Variants in CSMD3 observed in about 807,000 individuals in gnomAD.
CSMD3 encodes the protein CUB and Sushi multiple domains 3, also known as CUB and sushi domain-containing protein 3.
In CSMD3, 177 loss-of-function variants were observed where a neutral mutation model predicts 435.2. The observed-to-expected ratio is 0.41, with a 90% CI of 0.36 to 0.46. The LOEUF (loss-of-function observed/expected upper bound fraction) is 0.46, where lower values mean the gene tolerates loss of function less well. Ranked by LOEUF, CSMD3 falls within the 20% of genes least tolerant of loss-of-function variation. The pLI is 0.34. For missense variants in CSMD3, 4,265 were observed against 4,504.6 expected (o/e 0.95, Z 1.52); for synonymous variants, 1,656 against 1,520.5 (o/e 1.09, Z -2.07).
chr8:112,371,622 G>A (rs1828398528), intron 38 of CSMD3, among the ~76,000 whole-genome samples: 1 of 152,086 alleles, frequency 6.6e-6, no homozygotes, highest in Non-Finnish European at 1.5e-5. Context: ...GGGCACAGTG[G>A]GTCACACGTG....
chr8:113,164,499 A>G (rs547338306), intron 4 of CSMD3, among the ~76,000 whole-genome samples: 1 of 151,810 alleles, frequency 6.6e-6, no homozygotes, highest in Admixed American at 6.6e-5. Flanking sequence ...TTTTACATAC[A>G]TAAAAATTAT....
At chr8:113,161,688 C>T (rs1354043147) in intron 4 of CSMD3, among the ~76,000 whole-genome samples, 1 of 152,020 alleles carries the variant, frequency 6.6e-6, no homozygotes, top group Non-Finnish European at 1.5e-5. Flanking sequence ...TTTACTGTCT[C>T]TAAAAAAATC....
chr8:113,171,207 G>T (rs1056196669), intron 4 of CSMD3, among the ~76,000 whole-genome samples: 1 of 151,898 alleles, frequency 6.6e-6, no homozygotes, highest in African/African-American at 2.4e-5. Flanking sequence ...TTTTATGAAT[G>T]CTATTACATT....
intron 11 of CSMD3, among the ~76,000 whole-genome samples, chr8:112,833,665 G>T (rs2079941261): frequency 6.6e-6 from 1 of 151,466 alleles, no homozygotes; most frequent in South Asian, 2.1e-4. Context: ...ATTTAAGAGG[G>T]AATGCTTCCA....
At position 112,582,042 on chromosome 8, in the gene CSMD3, C is replaced by T. The variant is rs117023456; in HGVS notation, c.3885+5024G>A. ...TGTTTGTGCCTTCCAAATCTCATGTCGGAATGTGATTCCACTGTTGGAATT... is the reference window on the plus strand; with the variant it reads ...TGTTTGTGCCTTCCAAATCTCATGTTGGAATGTGATTCCACTGTTGGAATT... On this transcript the variant is annotated intron_variant, in intron 23 of 70. Coordinates refer to ENST00000297405, the MANE Select transcript of CSMD3 (RefSeq NM_198123.2). Among the ~76,000 whole-genome samples, 11 of 152,122 alleles carry T rather than the reference C, an allele frequency of 7.2e-5. No homozygotes were observed. The East Asian group carries it at 1.9e-3, about 27-fold the overall frequency.
intron 37 of CSMD3, among the ~76,000 whole-genome samples, chr8:112,381,374 T>C (rs1829448324): frequency 6.6e-6 from 1 of 152,206 alleles, no homozygotes; most frequent in South Asian, 2.1e-4. Flanking sequence ...AGTATCTGCT[T>C]GAATCAATTA....
chr8:112,798,531 T>C (rs777468957), intron 13 of CSMD3, among the ~76,000 whole-genome samples: 6 of 151,786 alleles, frequency 4.0e-5, no homozygotes, highest in Non-Finnish European at 7.4e-5. Context: ...TGGTTTCAAA[T>C]ATATCATCTC....
chr8:112,620,050 G>C (rs1833949962), intron 22 of CSMD3, among the ~76,000 whole-genome samples: 1 of 151,966 alleles, frequency 6.6e-6, no homozygotes. Context: ...GGTTGGGAGT[G>C]GGGGTATAGT....
chr8:112,332,968 T>C (rs191298101), intron 45 of CSMD3, among the ~76,000 whole-genome samples: 31 of 152,298 alleles, frequency 2.0e-4, no homozygotes, highest in Admixed American at 1.3e-3. Flanking sequence ...TTTTGACCAA[T>C]GATTTTATAT....
At chr8:112,597,981 C>T (rs1188774154) in intron 22 of CSMD3, among the ~76,000 whole-genome samples, 1 of 146,092 alleles carries the variant, frequency 6.8e-6, no homozygotes, top group Non-Finnish European at 1.5e-5. Flanking sequence ...CCTCTCTCAC[C>T]ACTCCTATTC....
intron 32 of CSMD3, among the ~76,000 whole-genome samples, chr8:112,428,574 C>A (rs973760180): frequency 2.0e-4 from 31 of 152,214 alleles, no homozygotes; most frequent in Admixed American, 1.4e-3. Context: ...ACAGCTCCTG[C>A]CTTCAAAAAT....
At chr8:112,885,356 A>G (rs548721450) in intron 10 of CSMD3, among the ~76,000 whole-genome samples, 3 of 103,210 alleles carry the variant, frequency 2.9e-5, no homozygotes, top group Non-Finnish European at 5.6e-5. Context: ...TATGTACACA[A>G]ATAGCCAGTA....
chr8:112,740,744 G>A (rs2077287658), intron 13 of CSMD3, among the ~76,000 whole-genome samples: 1 of 151,792 alleles, frequency 6.6e-6, no homozygotes, highest in South Asian at 2.1e-4. Flanking sequence ...CGTAACAGGA[G>A]GTCTAGACTG....
intron 3 of CSMD3, among the ~76,000 whole-genome samples, chr8:113,240,479 A>T (rs1267749891): frequency 6.6e-6 from 1 of 152,176 alleles, no homozygotes; most frequent in Non-Finnish European, 1.5e-5. Flanking sequence ...TACCGAAAGT[A>T]TGTAAGTATT....
At chr8:113,263,271 T>C (rs1044160556) in intron 3 of CSMD3, among the ~76,000 whole-genome samples, 2 of 151,998 alleles carry the variant, frequency 1.3e-5, no homozygotes, top group Non-Finnish European at 2.9e-5. Flanking sequence ...CAAATGAATA[T>C]AAAGAAAACA....
At chr8:112,283,077 C>G (rs1456738494) in intron 58 of CSMD3, among the ~76,000 whole-genome samples, 1 of 152,010 alleles carries the variant, frequency 6.6e-6, no homozygotes, top group Non-Finnish European at 1.5e-5. Context: ...ACCACCATTT[C>G]TTAATAGGAA....
chr8:113,246,409 C>A (rs1006481264), intron 3 of CSMD3, among the ~76,000 whole-genome samples: 1 of 151,898 alleles, frequency 6.6e-6, no homozygotes, highest in Admixed American at 6.6e-5. Flanking sequence ...TCTAGAATTT[C>A]TATGTGGTTC....
chr8:112,271,055 A>G lies in CSMD3; in HGVS notation c.9509-5465T>C, dbSNP rs893915915. On this transcript the variant is annotated intron_variant, in intron 59 of 70. Transcript: ENST00000297405. ...GCTGATTTTCTTTCTTTGAACTGAC[A>G]TTGTCATAAATCTACTAGATCCTCT... Among the ~76,000 whole-genome samples, 8 of 152,210 alleles carry G rather than the reference A, an allele frequency of 5.3e-5. No homozygotes were observed. In the East Asian group the frequency reaches 1.5e-3, roughly 29 times the overall value.
chr8:112,798,541 C>T (rs917145797), intron 13 of CSMD3, among the ~76,000 whole-genome samples: 3 of 151,768 alleles, frequency 2.0e-5, no homozygotes, highest in African/African-American at 7.2e-5. Context: ...TATATCATCT[C>T]TGTGAATTGT....
Sources: gnomAD v4.1 joint callset for allele counts (sites outside exome capture counted in the v4.1 genomes callset) on GRCh38, gnomAD v4.1.1 for gene constraint, MANE v1.5 for transcripts, NCBI Gene and HGNC (gene_info 2026-07-23, HGNC 2026-07-21) for gene names.